UGT1A3: variants seen among roughly 807,000 people sequenced by gnomAD.
The protein encoded by UGT1A3 is UDP glucuronosyltransferase family 1 member A3, also known as UDP-glucuronosyltransferase 1A3.
A neutral mutation model predicts 41.0 loss-of-function variants in UGT1A3; 31 were observed. The ratio of observed to expected loss-of-function variants is 0.76; its 90% CI spans 0.57 to 1.02. The LOEUF (loss-of-function observed/expected upper bound fraction) is 1.02, where lower values mean the gene tolerates loss of function less well. Ranked by LOEUF, UGT1A3 falls within the 50% of genes least tolerant of loss-of-function variation. The pLI, the probability that UGT1A3 is intolerant of heterozygous loss-of-function variation, is 0.00. For synonymous variants in UGT1A3, 262 were observed against 257.6 expected, an observed-to-expected ratio of 1.02 and a Z score of -0.17; for missense variants, 737 against 671.0, an observed-to-expected ratio of 1.10 and a Z score of -1.09.
At chr2:233,754,984 G>A (rs527779009) in intron 1 of UGT1A3, 1 of 1,295,398 alleles carries the variant, frequency 7.7e-7, no homozygotes, top group Non-Finnish European at 1.0e-6. Context: ...ACCTCGGCGG[G>A]GTCACGGAAG....
intron 1 of UGT1A3, among the ~76,000 whole-genome samples, chr2:233,738,023 C>T (rs1271674048): frequency 2.6e-5 from 4 of 151,816 alleles, no homozygotes. Context: ...AATTGTAATC[C>T]CCATAATCCC....
intron 1 of UGT1A3, among the ~76,000 whole-genome samples, chr2:233,764,785 C>T (rs567027233): frequency 9.9e-5 from 15 of 152,240 alleles, no homozygotes; most frequent in African/African-American, 3.4e-4. Flanking sequence ...GAAAAACCAT[C>T]CTCAGGGTGT....
At chr2:233,742,194 T>G (rs1691905587) in intron 1 of UGT1A3, among the ~76,000 whole-genome samples, 1 of 151,838 alleles carries the variant, frequency 6.6e-6, no homozygotes. Context: ...GAGTGGGAAA[T>G]CAGGGGACTC....
intron 1 of UGT1A3, chr2:233,741,006 G>T (rs1691538713): frequency 6.6e-6 from 1 of 151,750 alleles, no homozygotes; most frequent in Admixed American, 6.6e-5. Context: ...AGGATCACTT[G>T]AGCCCAGGAA....
rs1019965389 is a variant in UGT1A3, at chr2:233,761,222, C to A, written c.868-5812C>A. 2.1e-5 allele frequency: 34 copies of A among 1,613,256 alleles called. No homozygotes were observed. In the African/African-American group the frequency reaches 4.4e-4, roughly 21 times the overall value. ...GTATTACTTTGGATCGATTAACTAG[C>A]CCCAGATATATGCTGAGCAAGCATT... On this transcript the variant is annotated intron_variant, in intron 1 of 4. Coordinates refer to ENST00000482026, the MANE Select transcript of UGT1A3 (RefSeq NM_019093.4).
intron 1 of UGT1A3, among the ~76,000 whole-genome samples, chr2:233,766,480 T>TG (rs1699163559): frequency 6.6e-6 from 1 of 152,128 alleles, no homozygotes; most frequent in Non-Finnish European, 1.5e-5. Context: ...AGGCACATGA[T>TG]GGGGGCGTGG....
chr2:233,765,623 G>A (rs1698893578), intron 1 of UGT1A3, among the ~76,000 whole-genome samples: 1 of 151,662 alleles, frequency 6.6e-6, no homozygotes, highest in Admixed American at 6.6e-5. Flanking sequence ...AGGGGTGAGG[G>A]GAGGAACTTA....
chr2:233,772,245 A>T lies in UGT1A3; in HGVS notation c.1308-17A>T, dbSNP rs1279252088. The T allele has an allele frequency of 1.2e-6, 2 of 1,614,050 alleles. No individual in the cohort carries two copies. The highest frequency in any genetic ancestry group is 1.7e-5 in the Admixed American group (1 of 60,002). On this transcript the variant is annotated splice_polypyrimidine_tract_variant and intron_variant, in intron 4 of 4. Coordinates refer to ENST00000482026, the MANE Select transcript of UGT1A3 (RefSeq NM_019093.4). ...CCACAGGTGTTCCAGGCATAACGAAACTGTCTTTGTGTTTAGTTACAAGGA... is the reference window on the plus strand; with the variant it reads ...CCACAGGTGTTCCAGGCATAACGAATCTGTCTTTGTGTTTAGTTACAAGGA...
intron 1 of UGT1A3, chr2:233,760,312 C>A (rs370790922): frequency 6.2e-7 from 1 of 1,613,816 alleles, no homozygotes; most frequent in Non-Finnish European, 8.5e-7. Flanking sequence ...CCAGGGCGGA[C>A]GCCCACTTGT....
intron 1 of UGT1A3, among the ~76,000 whole-genome samples, chr2:233,731,505 G>T (rs1188245872): frequency 2.6e-5 from 4 of 152,064 alleles, no homozygotes; most frequent in African/African-American, 7.2e-5. Context: ...TTGCTGTTCA[G>T]TTCCCACCTA....
rs1408103062 is a variant in UGT1A3 at position 233,767,311 on chromosome 2, TTTG to T, written c.999+154_999+156del. On this transcript the variant is annotated intron_variant, in intron 2 of 4. Coordinates refer to ENST00000482026, the MANE Select transcript of UGT1A3 (RefSeq NM_019093.4). The stretch of plus-strand genomic sequence containing the variant: ...CCCAACTATTAATCCAAAGGTTTTT[TTTG>T]TTGTTGTGGTTGTTGTCATTGTTTT... 34 of 1,514,266 alleles carry T rather than the reference TTTG, an allele frequency of 2.2e-5. No homozygotes were observed. In the African/African-American group the frequency reaches 2.9e-4, roughly 13 times the overall value. The allele number at this position is 1,514,266 out of a possible 1,614,324, so 93.8% of individuals were successfully genotyped here. A position where few individuals can be genotyped will look rare whatever the true frequency, so the allele number is the denominator to read the frequency against.
intron 1 of UGT1A3, among the ~76,000 whole-genome samples, chr2:233,745,360 T>C (rs1413277244): frequency 2.0e-5 from 3 of 151,920 alleles, no homozygotes; most frequent in African/African-American, 4.9e-5. Flanking sequence ...GGAATTTTTT[T>C]GAGATCTGAG....
chr2:233,759,131 C>T (rs889675688), intron 1 of UGT1A3, among the ~76,000 whole-genome samples: 18 of 152,174 alleles, frequency 1.2e-4, no homozygotes, highest in African/African-American at 3.6e-4. Flanking sequence ...GCCTCTGGTA[C>T]GCAATGAAGG....
At position 233,767,164 on chromosome 2, in the gene UGT1A3, C is replaced by G. The variant is rs1699322267; in HGVS notation, c.998C>G (p.Thr333Arg). ...GATGCTTTGGGCAAAATCCCTCAGA[C>G]AGTAAGAAGATTCTATACCATGGCC... is the stretch of plus-strand genomic sequence containing the variant. Reference protein sequence around the residue: ...IADALGKIPQTVLWRYTGTRP... With the variant: ...IADALGKIPQRVLWRYTGTRP... The change falls in exon 2 of 5, where the codon ACA (threonine) becomes AGA (arginine). Residue 333 changes from threonine (T) to arginine (R), a missense_variant and splice_region_variant. Transcript: ENST00000482026. The G allele has an allele frequency of 6.2e-7, 1 of 1,614,090 alleles. No homozygotes were observed.
chr2:233,737,891 T>A (rs1690616471), intron 1 of UGT1A3, among the ~76,000 whole-genome samples: 1 of 152,132 alleles, frequency 6.6e-6, no homozygotes, highest in African/African-American at 2.4e-5. Flanking sequence ...AAAGCTAATT[T>A]TCGAGTGTGG....
intron 1 of UGT1A3, among the ~76,000 whole-genome samples, chr2:233,730,265 T>C (rs547052963): frequency 2.0e-5 from 3 of 152,104 alleles, no homozygotes; most frequent in East Asian, 3.9e-4. Context: ...AGACTGTTGG[T>C]TTGTAAAGGC....
chr2:233,760,868 C>T (rs1697593103), intron 1 of UGT1A3: 1 of 1,614,100 alleles, frequency 6.2e-7, no homozygotes, highest in East Asian at 2.2e-5. Flanking sequence ...TCCTACGTGC[C>T]CAGGCCTCTC....
chr2:233,768,426 A>G lies in UGT1A3; in HGVS notation c.1294A>G (p.Ile432Val), dbSNP rs1699609546. 6.2e-7 allele frequency: 1 copy of G among 1,614,122 alleles called. No homozygotes were observed. Among genetic ancestry groups the G allele is most frequent in the African/African-American group, 1.3e-5 (1 of 75,056 alleles). The change falls in exon 4 of 5, where the codon ATC (isoleucine) becomes GTC (valine). Residue 432 changes from isoleucine (I) to valine (V), a missense_variant. By Grantham distance (29) the Ile-to-Val change is conservative. Transcript: ENST00000482026. ...EDLENALKAVINDKSYKENIM... is the reference protein window; with the variant it reads ...EDLENALKAVVNDKSYKENIM... ...TTTAGAAAATGCTCTAAAAGCAGTC[A>G]TCAATGACAAAAGGTAAGAAAGAAG...
rs1228021328 is a variant in UGT1A3, at chr2:233,772,590, A to G, written c.*31A>G. The G allele has an allele frequency of 2.5e-6, 4 of 1,602,300 alleles. No homozygotes were observed. Among genetic ancestry groups the G allele is most frequent in the Non-Finnish European group, 2.6e-6 (3 of 1,173,678 alleles). ...GGGTGGGAAATAAGGTAAAATTTTG[A>G]ACCATTCCCTAGTCATTTCCAAACT... is the stretch of plus-strand genomic sequence containing the variant. On this transcript the variant is annotated 3_prime_UTR_variant, in exon 5 of 5. Transcript: ENST00000482026.
Sources: allele counts gnomAD v4.1 joint callset (sites outside exome capture counted in the v4.1 genomes callset), GRCh38; gene constraint gnomAD v4.1.1; transcripts MANE v1.5; gene names NCBI Gene and HGNC (gene_info 2026-07-23, HGNC 2026-07-21).